Variants in RAPGEF5 observed in about 807,000 individuals in gnomAD.
RAPGEF5 encodes M-Ras-regulated GEF.
RAPGEF5 carries 65 observed loss-of-function variants against 125.2 expected under a neutral mutation model. That is an observed-to-expected ratio of 0.52 (90% CI 0.43 to 0.64). The LOEUF (loss-of-function observed/expected upper bound fraction) is 0.64, where lower values mean the gene tolerates loss of function less well. Among genes scored for constraint, RAPGEF5 ranks in the 30% least tolerant of loss-of-function variants. The probability of loss-of-function intolerance (pLI) is 0.00; values close to 1 mark genes in which losing one functional copy is unlikely to be tolerated. For synonymous variants in RAPGEF5, 391 were observed against 385.9 expected (o/e 1.01, Z -0.16); for missense variants, 958 against 1,048.1 (o/e 0.91, Z 1.19).
chr7:22,126,992 T>C (rs1176002588), intron 24 of RAPGEF5, among the ~76,000 whole-genome samples: 1 of 151,984 alleles, frequency 6.6e-6, no homozygotes, highest in Non-Finnish European at 1.5e-5. Context: ...AATATTCTAA[T>C]TTAATTTCTT....
intron 6 of RAPGEF5, 38 bp from the exon 7 acceptor site, chr7:22,267,050 A>G: frequency 6.5e-7 from 1 of 1,549,574 alleles, no homozygotes; most frequent in East Asian, 2.3e-5. Flanking sequence ...AATTAGAAGA[A>G]GAAAAATGTA....
chr7:22,232,901 C>A (rs1190506456), intron 7 of RAPGEF5, among the ~76,000 whole-genome samples: 1 of 152,142 alleles, frequency 6.6e-6, no homozygotes, highest in Non-Finnish European at 1.5e-5. Context: ...TCTGTTCACG[C>A]TTTGGATAAC....
chr7:22,218,351 A>G (rs1244436422), intron 9 of RAPGEF5, among the ~76,000 whole-genome samples: 1 of 152,136 alleles, frequency 6.6e-6, no homozygotes, highest in African/African-American at 2.4e-5. Context: ...GTGGTACCCT[A>G]CTGTTCTACT....
At chr7:22,332,990 A>G (rs1783950699) in intron 1 of RAPGEF5, among the ~76,000 whole-genome samples, 1 of 152,168 alleles carries the variant, frequency 6.6e-6, no homozygotes, top group Admixed American at 6.5e-5. Context: ...TCACACAAAC[A>G]TATGTGTGTA....
chr7:22,325,452 C>T (rs1227756662), intron 1 of RAPGEF5, among the ~76,000 whole-genome samples: 1 of 152,232 alleles, frequency 6.6e-6, no homozygotes, highest in African/African-American at 2.4e-5. Flanking sequence ...ACCACCTATC[C>T]TTTCCCCTCA....
chr7:22,226,251 T>C (rs1195602743), intron 8 of RAPGEF5, among the ~76,000 whole-genome samples: 2 of 152,194 alleles, frequency 1.3e-5, no homozygotes, highest in Non-Finnish European at 2.9e-5. Flanking sequence ...TTCAGATAAA[T>C]TTTTATTGAT....
intron 1 of RAPGEF5, among the ~76,000 whole-genome samples, chr7:22,344,658 G>A (rs572265325): frequency 3.3e-5 from 5 of 152,320 alleles, no homozygotes; most frequent in Admixed American, 6.5e-5. Flanking sequence ...CAGCCTCCAC[G>A]GTGCAGACCA....
At chr7:22,220,144 G>A (rs1272065106) in intron 8 of RAPGEF5, 153 bp from the exon 9 acceptor site, 1 of 992,986 alleles carries the variant, frequency 1.0e-6, no homozygotes, top group Admixed American at 2.8e-5. Context: ...AAAAATTGAA[G>A]TTACATTATT....
chr7:22,188,967 C>T (rs1784906860), intron 11 of RAPGEF5, among the ~76,000 whole-genome samples: 1 of 150,158 alleles, frequency 6.7e-6, no homozygotes, highest in African/African-American at 2.5e-5. Context: ...ACTGAGGTAT[C>T]TCTGAAAGAA....
At chr7:22,156,734 C>A in intron 16 of RAPGEF5, 76 bp downstream of exon 16, 1 of 1,599,632 alleles carries the variant, frequency 6.3e-7, no homozygotes, top group Non-Finnish European at 8.5e-7. Context: ...GTTAGTCAGG[C>A]TGATATGCCA....
At chr7:22,286,101 G>A (rs1782789385) in intron 6 of RAPGEF5, among the ~76,000 whole-genome samples, 1 of 152,180 alleles carries the variant, frequency 6.6e-6, no homozygotes, top group South Asian at 2.1e-4. Context: ...TCTCTTAAGA[G>A]AGAGACATCA....
intron 9 of RAPGEF5, among the ~76,000 whole-genome samples, chr7:22,203,935 G>A (rs1785339140): frequency 6.6e-6 from 1 of 152,162 alleles, no homozygotes; most frequent in Admixed American, 6.6e-5. Context: ...TGTAGAAGAA[G>A]AAAGGGAAAA....
At chr7:22,132,516 T>C (rs548724677) in intron 23 of RAPGEF5, among the ~76,000 whole-genome samples, 2 of 152,350 alleles carry the variant, frequency 1.3e-5, no homozygotes, top group South Asian at 2.1e-4. Context: ...CAAGCTTTCA[T>C]TCCGTGACAC....
intron 13 of RAPGEF5, among the ~76,000 whole-genome samples, chr7:22,162,046 A>G (rs895977427): frequency 2.6e-5 from 4 of 152,244 alleles, no homozygotes; most frequent in African/African-American, 9.6e-5. Context: ...AAGAACATAC[A>G]TTGTCAATAT....
intron 9 of RAPGEF5, among the ~76,000 whole-genome samples, chr7:22,209,261 C>T (rs944532850): frequency 3.9e-5 from 6 of 152,136 alleles, no homozygotes; most frequent in African/African-American, 1.4e-4. Context: ...CTCTTTTGTT[C>T]CAAAGTTTCT....
intron 5 of RAPGEF5, among the ~76,000 whole-genome samples, chr7:22,296,063 G>A (rs1404924055): frequency 1.3e-5 from 2 of 152,112 alleles, no homozygotes; most frequent in Non-Finnish European, 2.9e-5. Flanking sequence ...TTTGTATAGG[G>A]TGGTAAGAGG....
intron 24 of RAPGEF5, 107 bp downstream of exon 24, chr7:22,130,930 T>C: frequency 7.0e-7 from 1 of 1,431,590 alleles, no homozygotes; most frequent in Non-Finnish European, 9.4e-7. Context: ...GAATTCGCCA[T>C]GCATCCAATG....
intron 8 of RAPGEF5, among the ~76,000 whole-genome samples, chr7:22,223,332 C>T (rs1245849511): frequency 6.6e-6 from 1 of 152,124 alleles, no homozygotes; most frequent in African/African-American, 2.4e-5. Flanking sequence ...AAATAACTGA[C>T]ACTGAATTTG....
At chr7:22,249,519 A>G (rs1439778935) in intron 7 of RAPGEF5, among the ~76,000 whole-genome samples, 2 of 151,964 alleles carry the variant, frequency 1.3e-5, no homozygotes, top group Non-Finnish European at 2.9e-5. Flanking sequence ...AAATCCGCTC[A>G]AAAAAAAGAA....
Sources: allele counts gnomAD v4.1 joint callset (sites outside exome capture counted in the v4.1 genomes callset), GRCh38; gene constraint gnomAD v4.1.1; transcripts MANE v1.5; gene names NCBI Gene and HGNC (gene_info 2026-07-23, HGNC 2026-07-21).